Variants in VTCN1 observed in about 807,000 individuals in gnomAD.
VTCN1 encodes the protein V-set domain-containing T-cell activation inhibitor 1.
A neutral mutation model predicts 26.5 loss-of-function variants in VTCN1; 26 were observed. The ratio of observed to expected loss-of-function variants is 0.98; its 90% CI spans 0.72 to 1.36. VTCN1 has a LOEUF of 1.36. VTCN1 is among the 40% of genes most tolerant of loss of function. The pLI is 0.00. For synonymous variants in VTCN1, 116 were observed against 130.7 expected, an observed-to-expected ratio of 0.89 and a Z score of 0.77; for missense variants, 298 against 337.7, an observed-to-expected ratio of 0.88 and a Z score of 0.92.
rs1356860204 is a variant in VTCN1, at chr1:117,155,494, C to A, written c.445+1080G>T. 1.3e-5 allele frequency among the ~76,000 whole-genome samples: 2 copies of A among 152,042 alleles called. No individual in the cohort carries two copies. Among genetic ancestry groups the A allele is most frequent in the African/African-American group, 2.4e-5 (1 of 41,368 alleles). On this transcript the variant is annotated intron_variant, in intron 3 of 5. Transcript: ENST00000369458. This position sits in a 1 kb window ranked among gnomAD's most constrained non-coding sequence, Gnocchi z 4.8. The stretch of plus-strand genomic sequence containing the variant: ...GAAGTCATATGTATTTATTCTATAC[C>A]TTTGAGTTATAATTCAATACTATGT...
chr1:117,182,449 G>T (rs568439107), intron 1 of VTCN1, among the ~76,000 whole-genome samples: 92 of 152,272 alleles, frequency 6.0e-4, no homozygotes, highest in African/African-American at 1.7e-3. Context: ...AAATCAGGCT[G>T]CCAGACCCAC....
chr1:117,150,991 A>C (rs1651759084), intron 4 of VTCN1, among the ~76,000 whole-genome samples: 1 of 152,134 alleles, frequency 6.6e-6, no homozygotes, highest in African/African-American at 2.4e-5. Flanking sequence ...GTATGTGTAT[A>C]CCATATTTTG....
chr1:117,168,797 T>A (rs1378222746), intron 2 of VTCN1, among the ~76,000 whole-genome samples: 1 of 152,254 alleles, frequency 6.6e-6, no homozygotes, highest in East Asian at 1.9e-4. Flanking sequence ...GGTCTCTTTT[T>A]GTTGCCCAGG....
intron 1 of VTCN1, among the ~76,000 whole-genome samples, chr1:117,176,801 C>G (rs1647374134): frequency 6.6e-6 from 1 of 152,106 alleles, no homozygotes; most frequent in Non-Finnish European, 1.5e-5. Context: ...TTCAGCCTAT[C>G]CAAAGAGGAG....
chr1:117,168,633 A>C (rs1050747512), intron 2 of VTCN1, among the ~76,000 whole-genome samples: 2 of 152,232 alleles, frequency 1.3e-5, no homozygotes, highest in Admixed American at 6.5e-5. Flanking sequence ...AGAGTAGAAG[A>C]GATTTGGTGA....
intron 1 of VTCN1, among the ~76,000 whole-genome samples, chr1:117,180,712 A>C (rs1647631238): frequency 6.6e-6 from 1 of 152,100 alleles, no homozygotes; most frequent in African/African-American, 2.4e-5. Context: ...ACTTCTTTTC[A>C]TGGTTGGCTG....
At chr1:117,189,708 T>C (rs913739916) in intron 1 of VTCN1, among the ~76,000 whole-genome samples, 30 of 152,218 alleles carry the variant, frequency 2.0e-4, no homozygotes, top group Non-Finnish European at 5.9e-5. Flanking sequence ...ATGTATTAGT[T>C]ACCTTACTGG....
At chr1:117,198,626 A>G (rs889275675) in intron 1 of VTCN1, among the ~76,000 whole-genome samples, 1 of 152,186 alleles carries the variant, frequency 6.6e-6, no homozygotes, top group African/African-American at 2.4e-5. Flanking sequence ...CTGCATCCAC[A>G]TCAGCACCAC....
chr1:117,201,655 C>A (rs1382044689), intron 1 of VTCN1, among the ~76,000 whole-genome samples: 1 of 152,190 alleles, frequency 6.6e-6, no homozygotes, highest in Non-Finnish European at 1.5e-5. Context: ...ACAGAGCTGG[C>A]CCCAAGGTGA....
chr1:117,206,034 G>A (rs1475840267), intron 1 of VTCN1, among the ~76,000 whole-genome samples: 1 of 151,900 alleles, frequency 6.6e-6, no homozygotes, highest in Non-Finnish European at 1.5e-5. Context: ...GCTCTATACT[G>A]GCATTAAAAG....
At chr1:117,162,287 T>C (rs1652406678) in intron 2 of VTCN1, among the ~76,000 whole-genome samples, 1 of 152,238 alleles carries the variant, frequency 6.6e-6, no homozygotes. Flanking sequence ...TAAATGATTG[T>C]TAAAAGTGAC....
chr1:117,180,979 A>G (rs992483767), intron 1 of VTCN1, among the ~76,000 whole-genome samples: 1 of 152,270 alleles, frequency 6.6e-6, no homozygotes, highest in Non-Finnish European at 1.5e-5. Flanking sequence ...AGCAGGAGAC[A>G]TGAACAGTTG....
chr1:117,148,283 C>T (rs1028383735), intron 4 of VTCN1, among the ~76,000 whole-genome samples: 3 of 152,216 alleles, frequency 2.0e-5, no homozygotes, highest in Non-Finnish European at 4.4e-5. Context: ...TCTTTTATTT[C>T]ATTTCAGCTC....
intron 1 of VTCN1, among the ~76,000 whole-genome samples, chr1:117,188,797 G>A (rs1018185852): frequency 6.6e-6 from 1 of 152,042 alleles, no homozygotes; most frequent in Non-Finnish European, 1.5e-5. Context: ...TTTATTTCAG[G>A]GTAATGACTC....
At chr1:117,150,173 A>T (rs191845022) in intron 4 of VTCN1, among the ~76,000 whole-genome samples, 54 of 152,282 alleles carry the variant, frequency 3.5e-4, no homozygotes, top group African/African-American at 1.3e-3. Flanking sequence ...ATACTGCCTC[A>T]TTGGCCTAGG....
chr1:117,160,502 C>T (rs1156984285), intron 2 of VTCN1, among the ~76,000 whole-genome samples: 1 of 152,192 alleles, frequency 6.6e-6, no homozygotes, highest in Non-Finnish European at 1.5e-5. Flanking sequence ...TTTAATGGTT[C>T]CTAAGAGCTG....
chr1:117,161,197 G>T lies in VTCN1; in HGVS notation c.98-4276C>A, dbSNP rs953877332. ...GAACATTGATTTAAAGATTCAGTTT[G>T]CTTTGCAAGTATTGTTACTTAGAGA... On this transcript the variant is annotated intron_variant, in intron 2 of 5. Transcript: ENST00000369458. The surrounding 1 kb of genome is among the most constrained non-coding windows in gnomAD (Gnocchi z 4.3). Among the ~76,000 whole-genome samples, 1 of 152,180 alleles carries T rather than the reference G, an allele frequency of 6.6e-6. No individual in the cohort carries two copies. Among genetic ancestry groups the T allele is most frequent in the African/African-American group, 2.4e-5 (1 of 41,442 alleles).
rs1002973698 is a variant in VTCN1, at chr1:117,159,005, T to C, written c.98-2084A>G. ...TCTGAGACCACTTCAGTCTGGACCT[T>C]ATTGTCCATATCACTATAAGGCTTT... On this transcript the variant is annotated intron_variant, in intron 2 of 5. Transcript: ENST00000369458. This position sits in a 1 kb window ranked among gnomAD's most constrained non-coding sequence, Gnocchi z 4.7. Among the ~76,000 whole-genome samples the C allele has an allele frequency of 3.3e-5, 5 of 152,194 alleles. No homozygotes were observed. Among genetic ancestry groups the C allele is most frequent in the African/African-American group, 1.2e-4 (5 of 41,436 alleles).
chr1:117,182,669 C>T (rs79287110), intron 1 of VTCN1, among the ~76,000 whole-genome samples: 2,073 of 152,276 alleles, frequency 0.014, 46 homozygotes, highest in African/African-American at 0.048. Flanking sequence ...GCTTCCCAGG[C>T]CTTCCAGCCT....
Sources: allele counts gnomAD v4.1 joint callset (sites outside exome capture counted in the v4.1 genomes callset), GRCh38; gene constraint gnomAD v4.1.1; non-coding constraint Gnocchi (gnomAD v3.1); transcripts MANE v1.5; gene names NCBI Gene and HGNC (gene_info 2026-07-23, HGNC 2026-07-21).